The following MACROD2 variants were observed in gnomAD, a reference collection of about 807,000 sequenced individuals.
MACROD2 encodes ADP-ribose glycohydrolase MACROD2.
In MACROD2, 36 loss-of-function variants were observed where a neutral mutation model predicts 70.4. The observed-to-expected ratio is 0.51, with a 90% CI of 0.39 to 0.68. The LOEUF (loss-of-function observed/expected upper bound fraction) is 0.68. MACROD2 is among the 30% of genes least tolerant of loss of function. The probability of loss-of-function intolerance (pLI) is 0.00; values close to 1 mark genes in which losing one functional copy is unlikely to be tolerated. For synonymous variants in MACROD2, 172 were observed against 178.8 expected, an observed-to-expected ratio of 0.96 and a Z score of 0.30; for missense variants, 496 against 538.4, an observed-to-expected ratio of 0.92 and a Z score of 0.78.
At chr20:14,206,935 G>A (rs1195038166) in intron 3 of MACROD2, among the ~76,000 whole-genome samples, 4 of 152,040 alleles carry the variant, frequency 2.6e-5, no homozygotes. Flanking sequence ...TTGAATCAAA[G>A]ACAACTCCTA....
chr20:14,692,410 GTGTT>G (rs746957315), intron 5 of MACROD2, among the ~76,000 whole-genome samples: 4 of 152,166 alleles, frequency 2.6e-5, no homozygotes, highest in African/African-American at 4.8e-5. Context: ...GATGACATCT[GTGTT>G]TGTTTATTTG....
At chr20:14,818,825 GTTT>G (rs754477468) in intron 5 of MACROD2, among the ~76,000 whole-genome samples, 4 of 78,376 alleles carry the variant, frequency 5.1e-5, no homozygotes, top group African/African-American at 1.6e-4. Context: ...TCTTCCTTAG[GTTT>G]TTTTTTTTTT....
At chr20:14,048,496 A>G (rs568863784) in intron 2 of MACROD2, among the ~76,000 whole-genome samples, 1 of 152,316 alleles carries the variant, frequency 6.6e-6, no homozygotes, top group East Asian at 1.9e-4. Flanking sequence ...TGTTTATTAA[A>G]AAAGACATAA....
chr20:14,089,907 G>C (rs994769627), intron 3 of MACROD2, among the ~76,000 whole-genome samples: 16 of 152,146 alleles, frequency 1.1e-4, no homozygotes, highest in Admixed American at 2.6e-4. Flanking sequence ...TTTAGTTTCA[G>C]GGAGTGCTTG....
chr20:15,838,139 A>T (rs1364665305), intron 8 of MACROD2, among the ~76,000 whole-genome samples: 1 of 151,942 alleles, frequency 6.6e-6, no homozygotes, highest in Non-Finnish European at 1.5e-5. Context: ...TTGACCTAGA[A>T]TATCAAGCTT....
intron 2 of MACROD2, among the ~76,000 whole-genome samples, chr20:14,048,918 C>T (rs1408741555): frequency 2.0e-5 from 3 of 151,948 alleles, no homozygotes; most frequent in Non-Finnish European, 4.4e-5. Flanking sequence ...TTCTAGGTGA[C>T]TTAATACAAG....
intron 8 of MACROD2, among the ~76,000 whole-genome samples, chr20:15,501,674 C>G (rs143480925): frequency 9.9e-5 from 15 of 152,228 alleles, no homozygotes; most frequent in African/African-American, 3.6e-4. Context: ...ATTGCTATTG[C>G]AACTGTAAAC....
chr20:15,365,857 A>G (rs1344746003), intron 6 of MACROD2, among the ~76,000 whole-genome samples: 1 of 152,218 alleles, frequency 6.6e-6, no homozygotes, highest in East Asian at 1.9e-4. Flanking sequence ...GTCTAAAATT[A>G]TATCTACTAG....
intron 4 of MACROD2, among the ~76,000 whole-genome samples, chr20:14,591,580 G>A (rs1359052278): frequency 1.3e-5 from 2 of 152,132 alleles, no homozygotes; most frequent in Non-Finnish European, 2.9e-5. Context: ...TGATGAACTG[G>A]ACATTACTAC....
chr20:14,462,251 T>C (rs866728121), intron 3 of MACROD2, among the ~76,000 whole-genome samples: 9 of 152,114 alleles, frequency 5.9e-5, no homozygotes, highest in African/African-American at 1.9e-4. Context: ...TGGTATCTCA[T>C]TGTGGTTTTG....
intron 5 of MACROD2, among the ~76,000 whole-genome samples, chr20:14,772,279 T>C (rs1223715368): frequency 5.3e-5 from 8 of 152,108 alleles, no homozygotes; most frequent in Non-Finnish European, 5.9e-5. Context: ...AATAACTTTT[T>C]ATCCATACTA....
chr20:15,859,868 A>G (rs1239228502), intron 8 of MACROD2, among the ~76,000 whole-genome samples: 1 of 151,992 alleles, frequency 6.6e-6, no homozygotes, highest in Non-Finnish European at 1.5e-5. Flanking sequence ...GTTCCTTCCA[A>G]TATTTGAAAT....
intron 8 of MACROD2, among the ~76,000 whole-genome samples, chr20:15,734,792 C>A (rs982620660): frequency 2.6e-5 from 4 of 152,104 alleles, no homozygotes; most frequent in African/African-American, 9.7e-5. Flanking sequence ...TAAACCTATC[C>A]TTTTCTGTGA....
intron 5 of MACROD2, among the ~76,000 whole-genome samples, chr20:14,946,869 A>G (rs1052435814): frequency 6.6e-6 from 1 of 152,084 alleles, no homozygotes; most frequent in East Asian, 1.9e-4. Context: ...TCAATTTTGT[A>G]TTCTCCCCCA....
chr20:14,273,903 G>A (rs1437678534), intron 3 of MACROD2, among the ~76,000 whole-genome samples: 3 of 152,034 alleles, frequency 2.0e-5, no homozygotes, highest in Admixed American at 1.3e-4. Context: ...AGAAGAAATG[G>A]ATAAATTCCT....
At chr20:14,769,525 T>C (rs1423076314) in intron 5 of MACROD2, among the ~76,000 whole-genome samples, 1 of 152,140 alleles carries the variant, frequency 6.6e-6, no homozygotes. Context: ...AAATATCTGT[T>C]GGAAAGGCTT....
At chr20:15,066,119 TTTTTA>T (rs756379875) in intron 5 of MACROD2, among the ~76,000 whole-genome samples, 42 of 150,984 alleles carry the variant, frequency 2.8e-4, no homozygotes, top group Non-Finnish European at 5.8e-4. Flanking sequence ...TTCTTTTTTT[TTTTTA>T]TTTTTAATTT....
intron 3 of MACROD2, among the ~76,000 whole-genome samples, chr20:14,168,273 C>A (rs1444987231): frequency 6.6e-6 from 1 of 152,074 alleles, no homozygotes; most frequent in African/African-American, 2.4e-5. Flanking sequence ...AATAAATGAA[C>A]CACCATAGAG....
At chr20:14,770,599 T>G (rs1303971728) in intron 5 of MACROD2, among the ~76,000 whole-genome samples, 2 of 152,120 alleles carry the variant, frequency 1.3e-5, no homozygotes, top group Admixed American at 1.3e-4. Context: ...CTAGAATATT[T>G]TATGATGATG....
Sources: gnomAD v4.1 joint callset for allele counts (sites outside exome capture counted in the v4.1 genomes callset) on GRCh38, gnomAD v4.1.1 for gene constraint, MANE v1.5 for transcripts, NCBI Gene and HGNC (gene_info 2026-07-23, HGNC 2026-07-21) for gene names.